Variants in CPED1 observed in about 807,000 individuals in gnomAD.
CPED1 encodes the protein cadherin-like and PC-esterase domain-containing protein 1.
CPED1 carries 114 observed loss-of-function variants against 128.2 expected under a neutral mutation model. The ratio of observed to expected loss-of-function variants is 0.89; its 90% confidence interval spans 0.76 to 1.04. The LOEUF (loss-of-function observed/expected upper bound fraction) is 1.04, where lower values mean the gene tolerates loss of function less well. Among genes scored for constraint, CPED1 ranks in the 50% least tolerant of loss-of-function variants. The pLI is 0.00. For synonymous variants in CPED1, 462 were observed against 426.7 expected, an observed-to-expected ratio of 1.08 and a Z score of -1.02; for missense variants, 1,211 against 1,207.1, an observed-to-expected ratio of 1.00 and a Z score of -0.05.
At chr7:121,028,420 T>G (rs1311919457) in intron 3 of CPED1, among the ~76,000 whole-genome samples, 1 of 152,192 alleles carries the variant, frequency 6.6e-6, no homozygotes, top group East Asian at 1.9e-4. Flanking sequence ...ACCTTTCACT[T>G]TGGTAAGAAG....
chr7:121,213,353 T>G (rs1797688558), intron 16 of CPED1, among the ~76,000 whole-genome samples: 1 of 152,024 alleles, frequency 6.6e-6, no homozygotes, highest in Non-Finnish European at 1.5e-5. Context: ...AATATCTACC[T>G]CAAACAGCTG....
chr7:120,996,167 C>T (rs923500151), intron 2 of CPED1, among the ~76,000 whole-genome samples: 2 of 152,070 alleles, frequency 1.3e-5, no homozygotes, highest in Non-Finnish European at 2.9e-5. Context: ...CTGGAGCCCC[C>T]CAGCTACTCG....
At chr7:121,083,119 C>A (rs1794332994) in intron 5 of CPED1, among the ~76,000 whole-genome samples, 2 of 152,120 alleles carry the variant, frequency 1.3e-5, no homozygotes, top group African/African-American at 4.8e-5. Flanking sequence ...TGGCACTCTC[C>A]TCCTTGAGGG....
intron 7 of CPED1, among the ~76,000 whole-genome samples, chr7:121,105,039 C>T (rs1365708612): frequency 6.6e-6 from 1 of 152,020 alleles, no homozygotes; most frequent in Non-Finnish European, 1.5e-5. Flanking sequence ...AAATCACCAG[C>T]TCTCTACCAC....
intron 5 of CPED1, among the ~76,000 whole-genome samples, chr7:121,070,476 A>G (rs765472898): frequency 1.2e-4 from 18 of 151,988 alleles, no homozygotes; most frequent in Admixed American, 3.9e-4. Flanking sequence ...TAAAATTCTC[A>G]TCTCTTTAAT....
chr7:121,065,148 A>C lies in CPED1; in HGVS notation c.616+835A>C, dbSNP rs536286240. On this transcript the variant is annotated intron_variant, in intron 5 of 22. Coordinates refer to ENST00000310396, the MANE Select transcript of CPED1 (RefSeq NM_024913.5). Reference sequence around the variant, plus strand: ...CTTTCCCATTGGGGTTTCTGCTCCCACTCCAAACGTAAACCACACTGGCAT... The same window carrying C: ...CTTTCCCATTGGGGTTTCTGCTCCCCCTCCAAACGTAAACCACACTGGCAT... Among the ~76,000 whole-genome samples, 21 of 152,190 alleles carry C rather than the reference A, an allele frequency of 1.4e-4. No homozygotes were observed. In the East Asian group the frequency reaches 3.9e-3, roughly 28 times the overall value.
At chr7:121,177,950 T>C (rs535645169) in intron 16 of CPED1, among the ~76,000 whole-genome samples, 139 of 152,180 alleles carry the variant, frequency 9.1e-4, no homozygotes, top group African/African-American at 3.3e-3. Context: ...TAATCCCTTA[T>C]TGTCATCCCC....
At chr7:121,081,867 A>C (rs1403237336) in intron 5 of CPED1, among the ~76,000 whole-genome samples, 2 of 152,212 alleles carry the variant, frequency 1.3e-5, no homozygotes, top group Non-Finnish European at 2.9e-5. Context: ...TCGTATGTCA[A>C]ACACTGTGTC....
Position 121,124,424 on chromosome 7 carries a change from G to A in CPED1, c.1012G>A (p.Ala338Thr), listed in dbSNP as rs187097612. Reference protein sequence around the residue: ...KEAIGKLLLAAEVFSETSTLG... With the variant: ...KEAIGKLLLATEVFSETSTLG... ...AGCAATTGGCAAACTACTGCTAGCG[G>A]CTGAAGTATTCAGTGAAACATCTAC... The change falls in exon 8 of 23, where the codon GCT becomes ACT. Residue 338 changes from alanine (A) to threonine (T), a missense_variant. Ala to Thr is a moderately conservative substitution (Grantham distance 58). Transcript: ENST00000310396. 26 of 1,603,060 alleles carry A rather than the reference G, an allele frequency of 1.6e-5. No individual in the cohort carries two copies. The East Asian group carries it at 3.6e-4, about 22-fold the overall frequency.
intron 3 of CPED1, among the ~76,000 whole-genome samples, chr7:121,021,378 T>C (rs1171668345): frequency 6.6e-6 from 1 of 151,976 alleles, no homozygotes; most frequent in Non-Finnish European, 1.5e-5. Flanking sequence ...ATATTTAGTA[T>C]AATTTTGAAG....
At chr7:121,254,852 G>A (rs1303426857) in intron 18 of CPED1, among the ~76,000 whole-genome samples, 1 of 151,432 alleles carries the variant, frequency 6.6e-6, no homozygotes, top group Non-Finnish European at 1.5e-5. Flanking sequence ...AAATTGAAAA[G>A]GAAGAGATCA....
intron 16 of CPED1, among the ~76,000 whole-genome samples, chr7:121,224,233 G>C: frequency 6.6e-6 from 1 of 152,080 alleles, no homozygotes; most frequent in Non-Finnish European, 1.5e-5. Context: ...AGTCATTCAG[G>C]AGCAGGTTGT....
At chr7:121,290,068 G>T (rs575089624) in intron 22 of CPED1, among the ~76,000 whole-genome samples, 1 of 152,134 alleles carries the variant, frequency 6.6e-6, no homozygotes, top group South Asian at 2.1e-4. Context: ...TTGGTTTTCT[G>T]TTCCTGTGTT....
chr7:120,997,213 T>G (rs1488202034), intron 2 of CPED1, among the ~76,000 whole-genome samples: 1 of 152,262 alleles, frequency 6.6e-6, no homozygotes, highest in Admixed American at 6.5e-5. Flanking sequence ...TAAACATCCC[T>G]AATAAAACTT....
At chr7:121,004,959 A>G (rs1022229267) in intron 2 of CPED1, among the ~76,000 whole-genome samples, 1 of 152,202 alleles carries the variant, frequency 6.6e-6, no homozygotes, top group Non-Finnish European at 1.5e-5. Context: ...ATGTATTTTT[A>G]TAATGATATG....
chr7:121,198,593 A>G (rs1315639067), intron 16 of CPED1, among the ~76,000 whole-genome samples: 1 of 152,044 alleles, frequency 6.6e-6, no homozygotes, highest in Non-Finnish European at 1.5e-5. Flanking sequence ...TCTCACTGCA[A>G]CTTTCATATC....
intron 5 of CPED1, among the ~76,000 whole-genome samples, chr7:121,079,185 A>G (rs185846974): frequency 1.7e-3 from 261 of 152,256 alleles, no homozygotes; most frequent in African/African-American, 5.9e-3. Context: ...GAGGAACACA[A>G]TTTGGCTCAT....
intron 14 of CPED1, among the ~76,000 whole-genome samples, chr7:121,136,518 A>AT (rs1795789053): frequency 1.3e-5 from 2 of 152,066 alleles, no homozygotes; most frequent in African/African-American, 2.4e-5. Flanking sequence ...CCAATTTTCA[A>AT]TTTTTTTAAT....
chr7:121,287,870 G>A (rs1031769704), intron 22 of CPED1, among the ~76,000 whole-genome samples: 2 of 152,102 alleles, frequency 1.3e-5, no homozygotes, highest in African/African-American at 4.8e-5. Context: ...TAGTGAAGAT[G>A]TTTCAGTATT....
Sources: allele counts gnomAD v4.1 joint callset (sites outside exome capture counted in the v4.1 genomes callset), GRCh38; gene constraint gnomAD v4.1.1; transcripts MANE v1.5; gene names NCBI Gene and HGNC (gene_info 2026-07-23, HGNC 2026-07-21).